The following PHRF1 variants were observed in gnomAD, a reference collection of about 807,000 sequenced individuals.
The protein encoded by PHRF1 is PHD and ring finger domains 1.
Under a neutral mutation model 128.9 loss-of-function variants are expected in PHRF1, and 53 were observed. That is an observed-to-expected ratio of 0.41 (90% confidence interval 0.33 to 0.52). The LOEUF (loss-of-function observed/expected upper bound fraction) is 0.52. PHRF1 is among the 20% of genes least tolerant of loss of function. The pLI, the probability that PHRF1 is intolerant of heterozygous loss-of-function variation, is 0.21. For missense variants in PHRF1, 2,503 were observed against 2,284.5 expected (o/e 1.10, Z -1.95); for synonymous variants, 1,178 against 980.6 (o/e 1.20, Z -3.76).
At chr11:583,292 T>TCA (rs976920322) in intron 3 of PHRF1, among the ~76,000 whole-genome samples, 3 of 151,084 alleles carry the variant, frequency 2.0e-5, no homozygotes, top group African/African-American at 7.3e-5. Context: ...TGAGCCAAGA[T>TCA]CGCCACTGCA....
At chr11:603,450 G>A (rs568508032) in intron 10 of PHRF1, among the ~76,000 whole-genome samples, 6 of 152,058 alleles carry the variant, frequency 3.9e-5, no homozygotes, top group East Asian at 3.9e-4. Flanking sequence ...ATCCTCCCAC[G>A]TCAGCCTCTC....
intron 3 of PHRF1, 95 bp from the exon 4 acceptor site, chr11:587,164 C>T: frequency 3.3e-6 from 4 of 1,218,466 alleles, no homozygotes; most frequent in Non-Finnish European, 4.7e-6. Flanking sequence ...CATTGCCGAC[C>T]TGGTGTCCTG....
At position 597,682 on chromosome 11, in the gene PHRF1, C is replaced by A; in HGVS notation, c.894+112C>A. The A allele has an allele frequency of 7.4e-7, 1 of 1,357,400 alleles. No homozygotes were observed. Among genetic ancestry groups the A allele is most frequent in the East Asian group, 2.5e-5 (1 of 39,656 alleles). The allele number at this position is 1,357,400 out of a possible 1,614,324, so 84.1% of individuals were successfully genotyped here. A position where few individuals can be genotyped will look rare whatever the true frequency, so the allele number is the denominator to read the frequency against. On this transcript the variant is annotated intron_variant, in intron 8 of 17. Transcript: ENST00000264555. This position sits in a 1 kb window ranked among gnomAD's most constrained non-coding sequence, Gnocchi z 6.5. ...CGGCACTGTGGGGTCCGCCCGGCCC[C>A]GGTGGCTCATGTTGTTCGGCCTGCT...
intron 3 of PHRF1, among the ~76,000 whole-genome samples, chr11:585,303 C>T (rs112381778): frequency 0.18 from 7,848 of 43,858 alleles, 400 homozygotes; most frequent in Middle Eastern, 0.3. Flanking sequence ...AGGTAGTAGC[C>T]CTTTCCAGCT....
At chr11:585,277 A>G (rs1430636607) in intron 3 of PHRF1, among the ~76,000 whole-genome samples, 2 of 132,562 alleles carry the variant, frequency 1.5e-5, no homozygotes, top group African/African-American at 5.8e-5. Flanking sequence ...TTGAGGTAGT[A>G]GCCCTTTCCA....
At chr11:587,920 C>T (rs1023618192) in intron 4 of PHRF1, among the ~76,000 whole-genome samples, 11 of 152,146 alleles carry the variant, frequency 7.2e-5, no homozygotes, top group South Asian at 6.2e-4. Context: ...TAGAGTTTAC[C>T]GTAAACGTGC....
Position 609,676 on chromosome 11 carries a change from T to A in PHRF1, c.4220T>A (p.Leu1407Gln). Residue 1407 changes from leucine to glutamine, a missense_variant, in exon 14 of 18, where the codon CTG (leucine) becomes CAG (glutamine). Physicochemically the swap from Leu to Gln is moderately radical, Grantham distance 113. Coordinates refer to ENST00000264555, the MANE Select transcript of PHRF1 (RefSeq NM_001286581.2). ...CTGGTGAAGCGGGTCACCTGGAACC[T>A]GCAGGAGTCGGAGAGCAGCGCCCCC... ...RALVKRVTWNLQESESSAPAE... is the reference protein window; with the variant it reads ...RALVKRVTWNQQESESSAPAE... 1 of 1,543,636 alleles carries A rather than the reference T, an allele frequency of 6.5e-7. No homozygotes were observed. Among genetic ancestry groups the A allele is most frequent in the Admixed American group, 2.0e-5 (1 of 51,000 alleles).
rs1856309023 is a variant in PHRF1 at position 610,572 on chromosome 11, G to A, written c.4488G>A (p.Gln1496=). ...TCCCACCCTGCGCACTGGTCAGCCAGCCCACGGTCCAGTTCATCCTTCAGG... is the reference window on the plus strand; with the variant it reads ...TCCCACCCTGCGCACTGGTCAGCCAACCCACGGTCCAGTTCATCCTTCAGG... ...SSIPPCALVS[Q]PTVQFILQGS... The change falls in exon 16 of 18, where the codon CAG becomes CAA. Residue 1496 remains glutamine (Q), a synonymous_variant. Transcript: ENST00000264555. The A allele has an allele frequency of 6.2e-7, 1 of 1,606,332 alleles. No individual in the cohort carries two copies. Among genetic ancestry groups the A allele is most frequent in the East Asian group, 2.2e-5 (1 of 44,874 alleles).
Position 610,773 on chromosome 11 carries a change from C to T in PHRF1, c.4677+12C>T, listed in dbSNP as rs1336907114. 5 of 1,597,502 alleles carry T rather than the reference C, an allele frequency of 3.1e-6. No homozygotes were observed. Among genetic ancestry groups the T allele is most frequent in the Admixed American group, 1.7e-5 (1 of 59,880 alleles). ...CCAAGAAGGAGGAGGTGAGTCCTGC[C>T]TCCTCCCACTTTCCCCATGTTCCCA... On this transcript the variant is annotated intron_variant, in intron 16 of 17. Transcript: ENST00000264555.
At chr11:596,191 C>T (rs1014024706) in intron 6 of PHRF1, among the ~76,000 whole-genome samples, 1 of 152,176 alleles carries the variant, frequency 6.6e-6, no homozygotes, top group Non-Finnish European at 1.5e-5. Context: ...TTACTCAGGG[C>T]TGTCTGGGGT....
At chr11:604,545 G>A (rs1449292049) in intron 10 of PHRF1, among the ~76,000 whole-genome samples, 1 of 152,130 alleles carries the variant, frequency 6.6e-6, no homozygotes, top group Admixed American at 6.6e-5. Context: ...ACAGAGTCTC[G>A]CTCTGTCCCC....
intron 3 of PHRF1, among the ~76,000 whole-genome samples, chr11:585,971 C>T (rs925351466): frequency 6.6e-6 from 1 of 152,164 alleles, no homozygotes; most frequent in Non-Finnish European, 1.5e-5. Flanking sequence ...AAGCGATTCT[C>T]CTGTCTCAGC....
rs748060075 is a variant in PHRF1 at position 608,720 on chromosome 11, G to A, written c.3264G>A (p.Thr1088=). Reference sequence around the variant, plus strand: ...GCCCCTGGGGCCACAGCCGGAGGACGTCCCGGTCGCGGTCGGGGAGCCCTG... The same window carrying A: ...GCCCCTGGGGCCACAGCCGGAGGACATCCCGGTCGCGGTCGGGGAGCCCTG... ...RRGPWGHSRR[T]SRSRSGSPGS... is the part of the protein sequence containing the mutation. Residue 1088 remains threonine (T), a synonymous_variant, in exon 14 of 18, where the codon ACG becomes ACA. Transcript: ENST00000264555. 3.0e-5 allele frequency: 48 copies of A among 1,611,360 alleles called. No individual in the cohort carries two copies. In the Admixed American group the frequency reaches 4.2e-4, roughly 14 times the overall value.
In PHRF1 at chr11:609,612, G is replaced by A. The variant is rs755362075; in HGVS notation, c.4156G>A (p.Glu1386Lys). The A allele has an allele frequency of 3.8e-6, 6 of 1,589,280 alleles. No homozygotes were observed. The highest frequency in any genetic ancestry group is 5.1e-6 in the Non-Finnish European group (6 of 1,169,606). Residue 1386 changes from glutamate (E) to lysine (K), a missense_variant, in exon 14 of 18, where the codon GAG becomes AAG. Physicochemically the swap from Glu to Lys is moderately conservative, Grantham distance 56 (BLOSUM62 1). Transcript: ENST00000264555. ...GRVQEAARPE[E>K]VVSQTPLLRS... is the part of the protein sequence containing the mutation. ...GGTACAGGAGGCAGCCCGGCCTGAG[G>A]AGGTGGTTTCGCAGACCCCCCTGCT...
At chr11:611,256 C>T (rs184360268) in intron 17 of PHRF1, among the ~76,000 whole-genome samples, 174 bp downstream of exon 17, 12 of 152,232 alleles carry the variant, frequency 7.9e-5, no homozygotes, top group African/African-American at 7.2e-5. Context: ...CAAGCCTGTT[C>T]GCCTGTGGCT....
In PHRF1 at chr11:598,407, A is replaced by G. The variant is rs765003543; in HGVS notation, c.929A>G (p.Asp310Gly). The change falls in exon 9 of 18, where the codon GAT becomes GGT. Residue 310 changes from aspartate (D) to glycine (G), a missense_variant. Physicochemically the swap from Asp to Gly is moderately conservative, Grantham distance 94. Coordinates refer to ENST00000264555, the MANE Select transcript of PHRF1 (RefSeq NM_001286581.2). The part of the protein sequence containing the change: ...TPGRLGSSLL[D>G]EAIEAVATGL... ...GGGCGCCTCGGGTCTTCCCTGCTGG[A>G]TGAAGCCATCGAGGCTGTGGCGACT... is the stretch of plus-strand genomic sequence containing the variant. The G allele has an allele frequency of 6.2e-7, 1 of 1,611,090 alleles. No homozygotes were observed. The highest frequency in any genetic ancestry group is 1.1e-5 in the South Asian group (1 of 91,068).
chr11:597,104 G>A lies in PHRF1; in HGVS notation c.718+84G>A, dbSNP rs1001772637. 1 of 1,392,474 alleles carries A rather than the reference G, an allele frequency of 7.2e-7. No homozygotes were observed. The highest frequency in any genetic ancestry group is 9.9e-7 in the Non-Finnish European group (1 of 1,005,930). 86.3% of individuals were successfully genotyped at this position (1,392,474 alleles called of 1,614,324 possible). ...GTCCCCGGGGTTAGGTTTGGCTGCT[G>A]TGTGGGGAGGACATCTAGGGCTGTC... is the stretch of plus-strand genomic sequence containing the variant. On this transcript the variant is annotated intron_variant, in intron 7 of 17. Transcript: ENST00000264555. This position sits in a 1 kb window ranked among gnomAD's most constrained non-coding sequence, Gnocchi z 6.5.
intron 4 of PHRF1, 94 bp from the exon 5 acceptor site, chr11:591,290 A>G: frequency 8.8e-7 from 1 of 1,132,492 alleles, no homozygotes; most frequent in Non-Finnish European, 1.3e-6. Context: ...GCATGGAGGC[A>G]TTTAGCAGAT....
rs1856054594 is a variant in PHRF1 at position 607,919 on chromosome 11, G to A, written c.2463G>A (p.Lys821=). 6.2e-7 allele frequency: 1 copy of A among 1,612,502 alleles called. No individual in the cohort carries two copies. The highest frequency in any genetic ancestry group is 8.5e-7 in the Non-Finnish European group (1 of 1,179,872). ...CCTCACCCCTCTTCTCCATCAAGAAGACGAAGCAGCTGCGGAGCGAGGTCT... is the reference window on the plus strand; with the variant it reads ...CCTCACCCCTCTTCTCCATCAAGAAAACGAAGCAGCTGCGGAGCGAGGTCT... ...ENPSPLFSIK[K]TKQLRSEVYD... is the part of the protein sequence containing the mutation. The change falls in exon 14 of 18, where the codon AAG becomes AAA. Residue 821 remains lysine, a synonymous_variant. Coordinates refer to ENST00000264555, the MANE Select transcript of PHRF1 (RefSeq NM_001286581.2).
Sources: gnomAD v4.1 joint callset for allele counts (sites outside exome capture counted in the v4.1 genomes callset) on GRCh38, gnomAD v4.1.1 for gene constraint, Gnocchi (gnomAD v3.1) non-coding constraint, MANE v1.5 for transcripts, NCBI Gene and HGNC (gene_info 2026-07-23, HGNC 2026-07-21) for gene names.